Variants in LSS observed in about 807,000 individuals in gnomAD.
LSS encodes lanosterol synthase.
LSS carries 90 observed loss-of-function variants against 110.3 expected under a neutral mutation model. The observed-to-expected ratio is 0.82, with a 90% CI of 0.69 to 0.97. The LOEUF (loss-of-function observed/expected upper bound fraction) is 0.97, where lower values mean the gene tolerates loss of function less well. Ranked by LOEUF, LSS falls within the 50% of genes least tolerant of loss-of-function variation. LSS has a pLI of 0.00. For missense variants in LSS, 927 were observed against 990.0 expected (o/e 0.94, Z 0.85); for synonymous variants, 433 against 400.0 (o/e 1.08, Z -0.98).
chr21:46,198,614 GT>G (rs2079940431), intron 17 of LSS, among the ~76,000 whole-genome samples: 1 of 152,108 alleles, frequency 6.6e-6, no homozygotes, highest in Non-Finnish European at 1.5e-5. Flanking sequence ...AACAGGGGCG[GT>G]AACTGACTGC....
At chr21:46,199,693 G>A (rs146325601) in intron 17 of LSS, among the ~76,000 whole-genome samples, 152 of 152,340 alleles carry the variant, frequency 1.0e-3, no homozygotes, top group African/African-American at 3.5e-3. Context: ...TTGAGCCATA[G>A]AAAGAGACTC....
intron 20 of LSS, chr21:46,192,238 A>C (rs2079827364): frequency 5.5e-6 from 3 of 544,658 alleles, no homozygotes; most frequent in Non-Finnish European, 9.9e-6. Context: ...AGAGGACGCC[A>C]AGCCTTGTTC....
intron 8 of LSS, 102 bp downstream of exon 8, chr21:46,215,583 A>T (rs1030753334): frequency 3.9e-6 from 3 of 772,736 alleles, no homozygotes; most frequent in Admixed American, 2.7e-5. Flanking sequence ...GGCACAGAGG[A>T]GGTGGCCCAG....
rs1369719061 is a variant in LSS, at chr21:46,190,565, A to C, written c.*539T>G. 6.3e-6 allele frequency: 1 copy of C among 157,626 alleles called. No individual in the cohort carries two copies. The highest frequency in any genetic ancestry group is 2.5e-5 in the African/African-American group (1 of 40,016). 9.8% of individuals were successfully genotyped at this position (157,626 alleles called of 1,614,324 possible). A position where few individuals can be genotyped will look rare whatever the true frequency, so the allele number is the denominator to read the frequency against. On this transcript the variant is annotated 3_prime_UTR_variant, in exon 22 of 22. Transcript: ENST00000397728. The surrounding 1 kb of genome is among the most constrained non-coding windows in gnomAD (Gnocchi z 4.6). ...ATGGGGCTCCCTGCTGCACGGCCTC[A>C]GGATGCTCCATGAGCAACCCCCGCA...
intron 3 of LSS, among the ~76,000 whole-genome samples, chr21:46,225,530 A>G (rs1029622030): frequency 2.0e-5 from 3 of 152,166 alleles, no homozygotes; most frequent in Non-Finnish European, 4.4e-5. Flanking sequence ...AGTCAGGCCC[A>G]CCCGCAGTTA....
chr21:46,195,061 C>T (rs9981910), intron 19 of LSS, among the ~76,000 whole-genome samples: 21,623 of 152,102 alleles, frequency 0.14, 2,148 homozygotes, highest in East Asian at 0.56. Flanking sequence ...GGAGAGAGTC[C>T]GGCGGCTGGA....
chr21:46,205,733 C>G, intron 17 of LSS, 103 bp downstream of exon 17: 1 of 823,734 alleles, frequency 1.2e-6, no homozygotes, highest in Non-Finnish European at 1.9e-6. Flanking sequence ...CCATGAGTTT[C>G]GCTTCTGAGA....
At chr21:46,221,795 A>C in intron 5 of LSS, 59 bp downstream of exon 5, 1 of 1,608,624 alleles carries the variant, frequency 6.2e-7, no homozygotes, top group Non-Finnish European at 8.5e-7. Context: ...CGCGTTTGTG[A>C]GAGCTCATTA....
intron 20 of LSS, among the ~76,000 whole-genome samples, chr21:46,194,023 T>C (rs904515135): frequency 6.6e-6 from 1 of 152,174 alleles, no homozygotes; most frequent in East Asian, 1.9e-4. Context: ...TACATCTGTG[T>C]GTGCACATCA....
intron 20 of LSS, chr21:46,192,165 G>A (rs544459304): frequency 2.4e-5 from 15 of 615,272 alleles, no homozygotes; most frequent in Admixed American, 2.4e-4. Flanking sequence ...GAGAAGCGGA[G>A]CCACAGCAAT....
At chr21:46,206,180 G>A (rs915044325) in intron 16 of LSS, among the ~76,000 whole-genome samples, 1 of 152,246 alleles carries the variant, frequency 6.6e-6, no homozygotes, top group Admixed American at 6.5e-5. Context: ...AGCCATGTGT[G>A]ATGTGGAGGG....
In LSS at chr21:46,189,956, C is replaced by T; in HGVS notation, c.*1148G>A. 1 of 338,152 alleles carries T rather than the reference C, an allele frequency of 3.0e-6. No homozygotes were observed. Among genetic ancestry groups the T allele is most frequent in the South Asian group, 2.1e-5 (1 of 46,712 alleles). The allele number at this position is 338,152 out of a possible 1,614,324, so 20.9% of individuals were successfully genotyped here. A position where few individuals can be genotyped will look rare whatever the true frequency, so the allele number is the denominator to read the frequency against. On this transcript the variant is annotated 3_prime_UTR_variant, in exon 22 of 22. Coordinates refer to ENST00000397728, the MANE Select transcript of LSS (RefSeq NM_002340.6). The stretch of plus-strand genomic sequence containing the variant: ...AGCCCTACATCCATGCAAGCCAGAC[C>T]AGACTGGGTCAGAGGCTAGAAGGGA...
chr21:46,206,397 G>A (rs1246774701), intron 16 of LSS, among the ~76,000 whole-genome samples: 1 of 152,220 alleles, frequency 6.6e-6, no homozygotes, highest in African/African-American at 2.4e-5. Flanking sequence ...TGTGGACTGA[G>A]CAGGAACCAG....
At chr21:46,213,116 G>T in intron 10 of LSS, 64 bp from the exon 11 acceptor site, 1 of 1,513,194 alleles carries the variant, frequency 6.6e-7, no homozygotes, top group Non-Finnish European at 9.1e-7. Context: ...CTGCTACCCA[G>T]ACCCTGCACT....
intron 19 of LSS, among the ~76,000 whole-genome samples, chr21:46,194,978 C>T (rs970348249): frequency 6.6e-6 from 1 of 152,232 alleles, no homozygotes; most frequent in Admixed American, 6.5e-5. Context: ...CTCAGCCAAG[C>T]ACGGTGCTCC....
intron 17 of LSS, among the ~76,000 whole-genome samples, chr21:46,201,580 G>A (rs1218610986): frequency 6.6e-6 from 1 of 151,700 alleles, no homozygotes; most frequent in African/African-American, 2.4e-5. Context: ...CATGTGGGAG[G>A]ACAGGTCATG....
At position 46,215,164 on chromosome 21, in the gene LSS, G is replaced by A. The variant is rs373765982; in HGVS notation, c.1011+16C>T. On this transcript the variant is annotated intron_variant, in intron 9 of 21. Coordinates refer to ENST00000397728, the MANE Select transcript of LSS (RefSeq NM_002340.6). ...CCCCCAGGGGCTGCAGTCAGAGGCC[G>A]GGCAGGGGCACTGACCGGGCCGATG... 40 of 1,599,770 alleles carry A rather than the reference G, an allele frequency of 2.5e-5. No individual in the cohort carries two copies. The highest frequency in any genetic ancestry group is 6.6e-5 in the South Asian group (6 of 90,840).
rs1355534536 is a variant in LSS, at chr21:46,217,250, AAAAAAAAG to A, written c.648-734_648-727del. ...GAGCGAGAGACTCTGTCTCAAAAAA[AAAAAAAAG>A]AAAAGAAAAAGAAAGAAAAAAGAAA... On this transcript the variant is annotated intron_variant, in intron 6 of 21. Transcript: ENST00000397728. 1.1e-3 allele frequency among the ~76,000 whole-genome samples: 145 copies of A among 134,668 alleles called. 1 individual carries two copies. The East Asian group carries it at 0.028, about 26-fold the overall frequency. The allele number at this position is 134,668 out of a possible 152,430, so 88.3% of individuals were successfully genotyped here. A position where few individuals can be genotyped will look rare whatever the true frequency, so the allele number is the denominator to read the frequency against.
At chr21:46,205,660 A>G (rs1449391239) in intron 17 of LSS, among the ~76,000 whole-genome samples, 176 bp downstream of exon 17, 1 of 152,210 alleles carries the variant, frequency 6.6e-6, no homozygotes, top group Non-Finnish European at 1.5e-5. Context: ...CCCCTAACAG[A>G]TATTTTGTAT....
Sources: gnomAD v4.1 joint callset for allele counts (sites outside exome capture counted in the v4.1 genomes callset) on GRCh38, gnomAD v4.1.1 for gene constraint, Gnocchi (gnomAD v3.1) non-coding constraint, MANE v1.5 for transcripts, NCBI Gene and HGNC (gene_info 2026-07-23, HGNC 2026-07-21) for gene names.